Variants in KLRG1 observed in about 807,000 individuals in gnomAD.
KLRG1 encodes the protein killer cell lectin like receptor G1.
In KLRG1, 16 loss-of-function variants were observed where a neutral mutation model predicts 21.8. That is an observed-to-expected ratio of 0.73 (90% CI 0.50 to 1.11). The LOEUF is 1.11. Ranked by LOEUF, KLRG1 falls within the 50% of genes most tolerant of loss-of-function variation. KLRG1 has a pLI of 0.00. For synonymous variants in KLRG1, 69 were observed against 75.9 expected (o/e 0.91, Z 0.47); for missense variants, 173 against 218.3 (o/e 0.79, Z 1.31).
the KLRG1 span, among the ~76,000 whole-genome samples, chr12:9,033,573 C>G: frequency 6.6e-6 from 1 of 152,178 alleles, no homozygotes; most frequent in Non-Finnish European, 1.5e-5. Flanking sequence ...CTCCTTGGCT[C>G]TATGCTTGCT....
rs1947590123 is a variant in KLRG1, at chr12:9,009,791, G to A, written c.*254G>A. On this transcript the variant is annotated 3_prime_UTR_variant, in exon 5 of 5. Coordinates refer to ENST00000356986, the MANE Select transcript of KLRG1 (RefSeq NM_005810.4). ...ATTTTGAAATAGATGTTTGTTTTTTGTATTTCTCAGTATGGAAACTAATGC... is the reference window on the plus strand; with the variant it reads ...ATTTTGAAATAGATGTTTGTTTTTTATATTTCTCAGTATGGAAACTAATGC... 5 of 1,412,450 alleles carry A rather than the reference G, an allele frequency of 3.5e-6. No homozygotes were observed. The highest frequency in any genetic ancestry group is 4.6e-6 in the Non-Finnish European group (5 of 1,089,628). 87.5% of individuals were successfully genotyped at this position (1,412,450 alleles called of 1,614,324 possible).
chr12:9,072,347 A>G, the KLRG1 span: 2 of 1,613,402 alleles, frequency 1.2e-6, no homozygotes, highest in Non-Finnish European at 1.7e-6. Flanking sequence ...TGATAGAGTC[A>G]GAAGGTCTTA....
chr12:8,989,942 T>C (rs1337138294), intron 1 of KLRG1, among the ~76,000 whole-genome samples: 1 of 152,280 alleles, frequency 6.6e-6, no homozygotes, highest in African/African-American at 2.4e-5. Context: ...TGTTCACTTC[T>C]TTGATCGCAT....
the KLRG1 span, among the ~76,000 whole-genome samples, chr12:9,053,169 T>C: frequency 8.6e-5 from 13 of 152,028 alleles, no homozygotes; most frequent in Admixed American, 5.3e-4. Context: ...TAAATGGTCC[T>C]AGTCTGAGTG....
At chr12:8,956,757 C>T (rs986111419) in intron 1 of KLRG1, among the ~76,000 whole-genome samples, 1 of 152,212 alleles carries the variant, frequency 6.6e-6, no homozygotes, top group African/African-American at 2.4e-5. Flanking sequence ...TTTGAAGTTC[C>T]GCAGTTGCTG....
At chr12:9,059,996 CT>C in the KLRG1 span, among the ~76,000 whole-genome samples, 209 of 75,572 alleles carry the variant, frequency 2.8e-3, no homozygotes, top group East Asian at 8.0e-3. Context: ...GCCCTGGCAT[CT>C]TTTTTTTTTT....
At chr12:9,128,333 CCA>C in the KLRG1 span, 1 of 160,834 alleles carries the variant, frequency 6.2e-6, no homozygotes. Flanking sequence ...AGGTCGCTGG[CCA>C]CACGGAGCAG....
chr12:9,087,049 A>G, the KLRG1 span, among the ~76,000 whole-genome samples: 1 of 152,234 alleles, frequency 6.6e-6, no homozygotes, highest in East Asian at 1.9e-4. Context: ...TATAAACAAT[A>G]TGTAGAAATA....
At chr12:9,024,123 G>C in the KLRG1 span, among the ~76,000 whole-genome samples, 1 of 144,468 alleles carries the variant, frequency 6.9e-6, no homozygotes, top group African/African-American at 2.6e-5. Flanking sequence ...CTCCTCCCAG[G>C]TTCAAGTGAT....
At chr12:9,119,076 A>C in the KLRG1 span, among the ~76,000 whole-genome samples, 2 of 152,230 alleles carry the variant, frequency 1.3e-5, no homozygotes. Flanking sequence ...CTTTAGTAAG[A>C]GAATAGTCAA....
At chr12:9,177,318 G>A in the KLRG1 span, among the ~76,000 whole-genome samples, 1 of 152,186 alleles carries the variant, frequency 6.6e-6, no homozygotes, top group African/African-American at 2.4e-5. Context: ...GTGTGGTGAG[G>A]AACTGAGGCC....
the KLRG1 span, among the ~76,000 whole-genome samples, chr12:9,203,191 T>C: frequency 6.6e-6 from 1 of 152,168 alleles, no homozygotes; most frequent in South Asian, 2.1e-4. Flanking sequence ...CTCCTCTAAG[T>C]CATGAAATTT....
chr12:9,136,551 G>A, the KLRG1 span, among the ~76,000 whole-genome samples: 1 of 151,992 alleles, frequency 6.6e-6, no homozygotes, highest in Admixed American at 6.6e-5. Flanking sequence ...ATATATATAT[G>A]CATGTATATA....
At chr12:9,024,361 C>A in the KLRG1 span, among the ~76,000 whole-genome samples, 1 of 152,008 alleles carries the variant, frequency 6.6e-6, no homozygotes, top group Non-Finnish European at 1.5e-5. Flanking sequence ...CTCTTCTGTT[C>A]CTTTTTAAAA....
At chr12:9,119,150 C>G in the KLRG1 span, among the ~76,000 whole-genome samples, 1 of 152,092 alleles carries the variant, frequency 6.6e-6, no homozygotes, top group Non-Finnish European at 1.5e-5. Context: ...GTTAATAGCA[C>G]ACAACATTTT....
chr12:9,166,252 A>G, the KLRG1 span: 1 of 1,579,196 alleles, frequency 6.3e-7, no homozygotes, highest in Middle Eastern at 1.7e-4. Flanking sequence ...CATTAATTTC[A>G]TGGTGCACAT....
At chr12:9,055,813 G>A in the KLRG1 span, 11 of 152,606 alleles carry the variant, frequency 7.2e-5, no homozygotes, top group Admixed American at 6.5e-4. Context: ...AATTGGATAT[G>A]GACAGCAGCA....
At chr12:9,033,922 T>A in the KLRG1 span, among the ~76,000 whole-genome samples, 1 of 152,300 alleles carries the variant, frequency 6.6e-6, no homozygotes, top group East Asian at 1.9e-4. Flanking sequence ...GATGCTTCAC[T>A]AGAAGTTGAG....
At chr12:9,189,168 A>G in the KLRG1 span, among the ~76,000 whole-genome samples, 1 of 152,162 alleles carries the variant, frequency 6.6e-6, no homozygotes, top group African/African-American at 2.4e-5. Flanking sequence ...ATATGGAACT[A>G]AAAAAAGAGC....
Sources: gnomAD v4.1 joint callset for allele counts (sites outside exome capture counted in the v4.1 genomes callset) on GRCh38, gnomAD v4.1.1 for gene constraint, MANE v1.5 for transcripts, NCBI Gene and HGNC (gene_info 2026-07-23, HGNC 2026-07-21) for gene names.